The following SETBP1 variants were observed in gnomAD, a reference collection of about 807,000 sequenced individuals.
The protein encoded by SETBP1 is SET-binding protein.
SETBP1 carries 9 observed loss-of-function variants against 101.0 expected under a neutral mutation model. The observed-to-expected ratio is 0.09, with a 90% CI of 0.05 to 0.16. SETBP1 has a LOEUF of 0.16. SETBP1 is among the 10% of genes least tolerant of loss of function. SETBP1 has a pLI of 1.00. For synonymous variants in SETBP1, 818 were observed against 788.5 expected (o/e 1.04, Z -0.63); for missense variants, 1,858 against 2,033.8 (o/e 0.91, Z 1.66).
chr18:44,712,101 A>T (rs2069360416), intron 2 of SETBP1, among the ~76,000 whole-genome samples: 1 of 152,214 alleles, frequency 6.6e-6, no homozygotes, highest in Non-Finnish European at 1.5e-5. Context: ...CTGGCCTGTG[A>T]GGCCATTTGA....
chr18:44,798,607 A>G (rs533105176), intron 2 of SETBP1, among the ~76,000 whole-genome samples: 1 of 152,286 alleles, frequency 6.6e-6, no homozygotes, highest in African/African-American at 2.4e-5. Flanking sequence ...CTTTATGAGG[A>G]AAGTCATCAT....
At chr18:45,002,124 TG>T (rs1466878800) in intron 4 of SETBP1, among the ~76,000 whole-genome samples, 3 of 152,150 alleles carry the variant, frequency 2.0e-5, no homozygotes, top group Admixed American at 6.5e-5. Flanking sequence ...TTCAGTTCCC[TG>T]GCTCCCTGCC....
intron 2 of SETBP1, among the ~76,000 whole-genome samples, chr18:44,737,801 C>G (rs113371390): frequency 6.4e-4 from 98 of 152,320 alleles, no homozygotes; most frequent in African/African-American, 2.3e-3. Context: ...TTGTGTTGGG[C>G]CTTTCCAACC....
chr18:45,017,424 G>T (rs2072971146), intron 4 of SETBP1, among the ~76,000 whole-genome samples: 1 of 152,154 alleles, frequency 6.6e-6, no homozygotes, highest in Admixed American at 6.5e-5. Flanking sequence ...ACCCCCTCCA[G>T]CTCTAAGGAC....
At chr18:44,792,391 G>A (rs2144735168) in intron 2 of SETBP1, among the ~76,000 whole-genome samples, 1 of 152,214 alleles carries the variant, frequency 6.6e-6, no homozygotes, top group East Asian at 1.9e-4. Flanking sequence ...GCAGGAGCCA[G>A]AGCGTAAGGT....
chr18:44,736,311 C>A (rs1199364432), intron 2 of SETBP1, among the ~76,000 whole-genome samples: 2 of 152,072 alleles, frequency 1.3e-5, no homozygotes. Context: ...CCTGGGAGGT[C>A]GAGGCTGCAG....
chr18:44,897,342 T>A (rs568240274), intron 3 of SETBP1, among the ~76,000 whole-genome samples: 1 of 152,168 alleles, frequency 6.6e-6, no homozygotes, highest in East Asian at 1.9e-4. Context: ...TTAGAAAGGG[T>A]GAGGATCTGA....
intron 2 of SETBP1, among the ~76,000 whole-genome samples, chr18:44,763,147 G>A (rs2144597232): frequency 6.6e-6 from 1 of 152,318 alleles, no homozygotes; most frequent in Admixed American, 6.5e-5. Context: ...TAGAGATAGG[G>A]AGGGAAGCAT....
chr18:45,004,811 C>T (rs1205063825), intron 4 of SETBP1, among the ~76,000 whole-genome samples: 1 of 152,196 alleles, frequency 6.6e-6, no homozygotes, highest in Non-Finnish European at 1.5e-5. Flanking sequence ...AAAGCTCAAT[C>T]CCTGACATTT....
chr18:44,877,444 C>T (rs1044036736), intron 3 of SETBP1: 9 of 906,584 alleles, frequency 9.9e-6, no homozygotes, highest in Non-Finnish European at 1.2e-5. Context: ...TTCTACAAGC[C>T]TGTATGTGAA....
chr18:44,752,963 A>G (rs1488399433), intron 2 of SETBP1, among the ~76,000 whole-genome samples: 1 of 152,254 alleles, frequency 6.6e-6, no homozygotes, highest in African/African-American at 2.4e-5. Flanking sequence ...ATTAGAAATT[A>G]CTACTGATTC....
At chr18:44,814,301 G>A (rs1293210768) in intron 2 of SETBP1, among the ~76,000 whole-genome samples, 2 of 152,194 alleles carry the variant, frequency 1.3e-5, no homozygotes, top group African/African-American at 4.8e-5. Context: ...AGATAGTTGT[G>A]GTAGAAATGG....
At chr18:44,875,502 C>G (rs182970494) in intron 3 of SETBP1, among the ~76,000 whole-genome samples, 1 of 124,364 alleles carries the variant, frequency 8.0e-6, no homozygotes, top group East Asian at 2.5e-4. Context: ...GCACTCCAGC[C>G]TGGCAAGAGA....
intron 4 of SETBP1, among the ~76,000 whole-genome samples, chr18:45,023,699 G>A (rs537161505): frequency 6.6e-6 from 1 of 152,310 alleles, no homozygotes; most frequent in African/African-American, 2.4e-5. Flanking sequence ...CAACCCTCCA[G>A]TCAGGCATTT....
chr18:45,028,953 T>C (rs1370006923), intron 4 of SETBP1, among the ~76,000 whole-genome samples: 1 of 152,172 alleles, frequency 6.6e-6, no homozygotes, highest in African/African-American at 2.4e-5. Context: ...TTCTCCCATT[T>C]TGTAGGTTGC....
chr18:44,685,356 C>T (rs1276742196), intron 1 of SETBP1, among the ~76,000 whole-genome samples: 4 of 152,192 alleles, frequency 2.6e-5, no homozygotes, highest in African/African-American at 9.7e-5. Flanking sequence ...TATATGGCTT[C>T]CGCCCCCTTG....
intron 1 of SETBP1, among the ~76,000 whole-genome samples, chr18:44,681,751 T>A (rs950825900): frequency 1.3e-5 from 2 of 152,122 alleles, no homozygotes; most frequent in African/African-American, 4.8e-5. Flanking sequence ...TCTCAGGGTG[T>A]GTATCTGTCT....
chr18:45,021,024 T>C (rs1015620600), intron 4 of SETBP1, among the ~76,000 whole-genome samples: 1 of 152,246 alleles, frequency 6.6e-6, no homozygotes, highest in Non-Finnish European at 1.5e-5. Flanking sequence ...ATTATACCAA[T>C]TCTTTTCATC....
At chr18:45,037,470 T>C (rs2073420416) in intron 4 of SETBP1, among the ~76,000 whole-genome samples, 1 of 152,134 alleles carries the variant, frequency 6.6e-6, no homozygotes, top group African/African-American at 2.4e-5. Flanking sequence ...CTAGGCACGG[T>C]TCTAAGCTCT....
Sources: allele counts gnomAD v4.1 joint callset (sites outside exome capture counted in the v4.1 genomes callset), GRCh38; gene constraint gnomAD v4.1.1; transcripts MANE v1.5; gene names NCBI Gene and HGNC (gene_info 2026-07-23, HGNC 2026-07-21).